ME3: variants seen among roughly 807,000 people sequenced by gnomAD.
The protein encoded by ME3 is malic enzyme 3.
Under a neutral mutation model 68.9 loss-of-function variants are expected in ME3, and 48 were observed. The observed-to-expected ratio is 0.70, with a 90% CI of 0.55 to 0.89. The LOEUF (loss-of-function observed/expected upper bound fraction) is 0.89. Ranked by LOEUF, ME3 falls within the 40% of genes least tolerant of loss-of-function variation. ME3 has a pLI of 0.00. For synonymous variants in ME3, 320 were observed against 318.8 expected (o/e 1.00, Z -0.04); for missense variants, 675 against 797.4 (o/e 0.85, Z 1.85).
At chr11:86,564,433 G>T (rs1208838915) in intron 2 of ME3, among the ~76,000 whole-genome samples, 1 of 143,982 alleles carries the variant, frequency 6.9e-6, no homozygotes, top group Non-Finnish European at 1.5e-5. Flanking sequence ...TTTTAAAAAG[G>T]GACTTTGAAA....
chr11:86,521,539 A>G (rs1365475026), intron 4 of ME3, among the ~76,000 whole-genome samples: 1 of 152,080 alleles, frequency 6.6e-6, no homozygotes, highest in East Asian at 1.9e-4. Context: ...AGTCAGTCGT[A>G]AAGGAGCCTC....
chr11:86,574,397 CGGG>C lies in ME3; in HGVS notation c.184-14577_184-14575del, dbSNP rs376489722. Among the ~76,000 whole-genome samples the C allele has an allele frequency of 5.4e-3, 312 of 58,008 alleles. 1 individual carries two copies. Among genetic ancestry groups the C allele is most frequent in the Middle Eastern group, 0.027 (3 of 110 alleles). The allele number at this position is 58,008 out of a possible 152,430, so 38.1% of individuals were successfully genotyped here. A position where few individuals can be genotyped will look rare whatever the true frequency, so the allele number is the denominator to read the frequency against. ...GACCTTTGGATGGGGTATTTGTTGC[CGGG>C]GGGGGGGGGGGTGTCTTTTTTGTTG... On this transcript the variant is annotated intron_variant, in intron 2 of 14. Coordinates refer to ENST00000543262, the Ensembl canonical transcript of ME3.
At chr11:86,584,513 C>G (rs1342795394) in intron 2 of ME3, among the ~76,000 whole-genome samples, 1 of 152,164 alleles carries the variant, frequency 6.6e-6, no homozygotes, top group Non-Finnish European at 1.5e-5. Flanking sequence ...GGTATTAGCA[C>G]TATTCACAAT....
At chr11:86,534,965 A>C (rs565077917) in intron 4 of ME3, among the ~76,000 whole-genome samples, 1 of 152,190 alleles carries the variant, frequency 6.6e-6, no homozygotes, top group African/African-American at 2.4e-5. Context: ...GTGAATCAGA[A>C]TTGGCAAGAG....
chr11:86,647,924 G>A (rs1165096650), intron 2 of ME3, among the ~76,000 whole-genome samples: 5 of 152,172 alleles, frequency 3.3e-5, no homozygotes, highest in African/African-American at 7.2e-5. Context: ...GACATCTACA[G>A]AACTCTCCAC....
At chr11:86,610,442 T>C (rs1040882175) in intron 2 of ME3, among the ~76,000 whole-genome samples, 1 of 152,124 alleles carries the variant, frequency 6.6e-6, no homozygotes, top group African/African-American at 2.4e-5. Flanking sequence ...CTAGATATTA[T>C]GGGGAGGATA....
intron 2 of ME3, among the ~76,000 whole-genome samples, chr11:86,606,171 T>G (rs1057278017): frequency 1.3e-5 from 2 of 152,176 alleles, no homozygotes; most frequent in South Asian, 4.1e-4. Context: ...TATCCATTGA[T>G]CTCTACTATA....
intron 4 of ME3, among the ~76,000 whole-genome samples, chr11:86,534,084 T>TAC (rs1565914911): frequency 2.4e-3 from 2 of 850 alleles, no homozygotes; most frequent in East Asian, 0.017. Flanking sequence ...TGTGTGTGTA[T>TAC]ATATATATAT....
chr11:86,537,733 G>C (rs1365551530), intron 4 of ME3, among the ~76,000 whole-genome samples: 1 of 152,196 alleles, frequency 6.6e-6, no homozygotes, highest in African/African-American at 2.4e-5. Flanking sequence ...TTGGAACCCA[G>C]TGCAGGGAGT....
intron 4 of ME3, among the ~76,000 whole-genome samples, chr11:86,520,195 C>T (rs2139176933): frequency 6.6e-6 from 1 of 152,240 alleles, no homozygotes; most frequent in South Asian, 2.1e-4. Flanking sequence ...GTGGAGTGCT[C>T]CTGACTTTAG....
At chr11:86,605,865 C>T (rs1267604388) in intron 2 of ME3, among the ~76,000 whole-genome samples, 1 of 151,966 alleles carries the variant, frequency 6.6e-6, no homozygotes, top group East Asian at 1.9e-4. Context: ...CACTTTAAAC[C>T]CCTGCCTCCA....
At chr11:86,639,871 C>T (rs566530177) in intron 2 of ME3, among the ~76,000 whole-genome samples, 1 of 152,190 alleles carries the variant, frequency 6.6e-6, no homozygotes, top group African/African-American at 2.4e-5. Flanking sequence ...CACAGTCTTC[C>T]AACTACGTTT....
intron 2 of ME3, among the ~76,000 whole-genome samples, chr11:86,564,969 A>G (rs1399658324): frequency 6.6e-6 from 1 of 152,226 alleles, no homozygotes; most frequent in African/African-American, 2.4e-5. Flanking sequence ...AATATCCAGA[A>G]TATACAAAGG....
intron 2 of ME3, among the ~76,000 whole-genome samples, chr11:86,654,016 G>C (rs1228222766): frequency 6.6e-6 from 1 of 152,136 alleles, no homozygotes; most frequent in African/African-American, 2.4e-5. Context: ...TAAATTCCTC[G>C]ACACATACAC....
intron 6 of ME3, chr11:86,489,137 A>C (rs1160616347): frequency 1.3e-5 from 2 of 152,192 alleles, no homozygotes; most frequent in Non-Finnish European, 2.9e-5. Context: ...AAGTTCCTAG[A>C]GAACAGGATT....
At chr11:86,493,126 A>C (rs1445238052) in intron 6 of ME3, among the ~76,000 whole-genome samples, 2 of 152,184 alleles carry the variant, frequency 1.3e-5, no homozygotes, top group African/African-American at 4.8e-5. Context: ...AATAATGATA[A>C]TCTTGCAAGG....
intron 4 of ME3, among the ~76,000 whole-genome samples, chr11:86,516,703 C>G (rs1161608073): frequency 6.6e-6 from 1 of 152,114 alleles, no homozygotes; most frequent in East Asian, 1.9e-4. Context: ...ATATCTATAT[C>G]TAAAATTATA....
intron 5 of ME3, among the ~76,000 whole-genome samples, chr11:86,507,197 G>A (rs1953146082): frequency 6.6e-6 from 1 of 152,230 alleles, no homozygotes; most frequent in African/African-American, 2.4e-5. Context: ...GTCCAGTGGA[G>A]AAGGGTGGAG....
At chr11:86,495,875 C>T (rs531140335) in intron 6 of ME3, among the ~76,000 whole-genome samples, 2 of 152,272 alleles carry the variant, frequency 1.3e-5, no homozygotes, top group Non-Finnish European at 2.9e-5. Context: ...AATGACTTAC[C>T]TGGCTCATCA....
Sources: gnomAD v4.1 joint callset for allele counts (sites outside exome capture counted in the v4.1 genomes callset) on GRCh38, gnomAD v4.1.1 for gene constraint, MANE v1.5 for transcripts, NCBI Gene and HGNC (gene_info 2026-07-23, HGNC 2026-07-21) for gene names.